The following COL22A1 variants were observed in gnomAD, a reference collection of about 807,000 sequenced individuals.
The protein encoded by COL22A1 is collagen type XXII alpha 1 chain.
COL22A1 carries 221 observed loss-of-function variants against 248.9 expected under a neutral mutation model. The observed-to-expected ratio is 0.89, with a 90% CI of 0.80 to 0.99. The LOEUF (loss-of-function observed/expected upper bound fraction) is 0.99, where lower values mean the gene tolerates loss of function less well. COL22A1 is among the 50% of genes least tolerant of loss of function. The pLI is 0.00. For synonymous variants in COL22A1, 891 were observed against 793.4 expected (o/e 1.12, Z -2.07); for missense variants, 2,240 against 2,179.0 (o/e 1.03, Z -0.56).
At chr8:138,782,442 T>A (rs1815098970) in intron 12 of COL22A1, among the ~76,000 whole-genome samples, 1 of 152,288 alleles carries the variant, frequency 6.6e-6, no homozygotes, top group Non-Finnish European at 1.5e-5. Flanking sequence ...GGCCTCAAAC[T>A]CCTGAGCTCA....
At chr8:138,724,581 G>A (rs772656415) in intron 25 of COL22A1, 34 bp downstream of exon 25, 214 of 1,604,876 alleles carry the variant, frequency 1.3e-4, no homozygotes, top group Non-Finnish European at 3.9e-5. Context: ...GGGAGAGGGA[G>A]GAGGGGAGCA....
chr8:138,616,770 G>T, intron 54 of COL22A1, 144 bp downstream of exon 54: 4 of 876,754 alleles, frequency 4.6e-6, no homozygotes, highest in Non-Finnish European at 7.3e-6. Flanking sequence ...AGGTGTCCCT[G>T]TGCTGGCTTG....
At position 138,745,813 on chromosome 8, in the gene COL22A1, T is replaced by A. The variant is rs1424167943; in HGVS notation, c.2085+5645A>T. ...CAGTGGCCTTGAGCCAGGCTGGGTC[T>A]TCCGCCAAAACATTCAGGATTCAGA... On this transcript the variant is annotated intron_variant, in intron 22 of 64. Coordinates refer to ENST00000303045, the MANE Select transcript of COL22A1 (RefSeq NM_152888.3). Among the ~76,000 whole-genome samples, 2 of 152,180 alleles carry A rather than the reference T, an allele frequency of 1.3e-5. 1 individual carries two copies. Among genetic ancestry groups the A allele is most frequent in the African/African-American group, 4.8e-5 (2 of 41,462 alleles).
At chr8:138,671,162 G>A (rs1367829591) in intron 41 of COL22A1, among the ~76,000 whole-genome samples, 1 of 152,052 alleles carries the variant, frequency 6.6e-6, no homozygotes, top group African/African-American at 2.4e-5. Context: ...AAATGACCCA[G>A]TGGCCTAGAA....
At chr8:138,615,269 G>T (rs1015206893) in intron 55 of COL22A1, among the ~76,000 whole-genome samples, 6 of 152,140 alleles carry the variant, frequency 3.9e-5, no homozygotes, top group Non-Finnish European at 7.3e-5. Flanking sequence ...AGTGGCTCAC[G>T]CCTATAGTCC....
At chr8:138,847,985 A>C (rs1821370095) in intron 3 of COL22A1, among the ~76,000 whole-genome samples, 1 of 152,116 alleles carries the variant, frequency 6.6e-6, no homozygotes. Flanking sequence ...GGGTGGTGAG[A>C]AGTGGTGCAT....
At chr8:138,866,646 C>G (rs1184811339) in intron 3 of COL22A1, among the ~76,000 whole-genome samples, 1 of 152,216 alleles carries the variant, frequency 6.6e-6, no homozygotes, top group African/African-American at 2.4e-5. Context: ...CCACTTTACT[C>G]GGGATGGCAC....
intron 23 of COL22A1, among the ~76,000 whole-genome samples, chr8:138,727,867 G>A (rs1265013915): frequency 6.6e-6 from 1 of 152,130 alleles, no homozygotes; most frequent in Non-Finnish European, 1.5e-5. Flanking sequence ...GCTGCTGGAA[G>A]GCTTTAAAGA....
chr8:138,881,256 A>C (rs1030549213), intron 2 of COL22A1, among the ~76,000 whole-genome samples: 7 of 147,408 alleles, frequency 4.7e-5, no homozygotes, highest in Non-Finnish European at 8.9e-5. Flanking sequence ...GGATGTTTAC[A>C]GTTATTACTG....
intron 7 of COL22A1, among the ~76,000 whole-genome samples, chr8:138,820,174 C>G (rs1382696316): frequency 6.6e-6 from 1 of 152,142 alleles, no homozygotes; most frequent in Non-Finnish European, 1.5e-5. Context: ...TTTACATAAA[C>G]TTCCAAGAAT....
chr8:138,716,870 C>T lies in COL22A1; in HGVS notation c.2356-1G>A. 1 of 1,609,144 alleles carries T rather than the reference C, an allele frequency of 6.2e-7. No individual in the cohort carries two copies. The highest frequency in any genetic ancestry group is 1.1e-5 in the South Asian group (1 of 91,002). On this transcript the variant is annotated splice_acceptor_variant, in intron 27 of 64. Coordinates refer to ENST00000303045, the MANE Select transcript of COL22A1 (RefSeq NM_152888.3). LOFTEE classifies it high-confidence loss of function. The stretch of plus-strand genomic sequence containing the variant: ...CCAGGCCCTGCTCCCCAATTTCTCC[C>T]TGAAAATGCAATAAAACATACCCCA...
intron 23 of COL22A1, among the ~76,000 whole-genome samples, chr8:138,734,844 G>C (rs146822053): frequency 6.6e-6 from 1 of 152,136 alleles, no homozygotes; most frequent in Non-Finnish European, 1.5e-5. Context: ...CCATAAAAAA[G>C]GATGAGTTCA....
intron 47 of COL22A1, among the ~76,000 whole-genome samples, 188 bp downstream of exon 47, chr8:138,646,441 G>T (rs1014054749): frequency 2.0e-5 from 3 of 152,100 alleles, no homozygotes; most frequent in African/African-American, 7.2e-5. Flanking sequence ...TGAGCAACTG[G>T]GATTCCACAC....
chr8:138,880,070 G>T (rs1202546865), intron 2 of COL22A1, among the ~76,000 whole-genome samples: 2 of 151,962 alleles, frequency 1.3e-5, no homozygotes, highest in Middle Eastern at 3.2e-3. Context: ...AAAACAATCA[G>T]ATAAATGGAA....
intron 12 of COL22A1, among the ~76,000 whole-genome samples, chr8:138,791,614 A>G (rs1664716945): frequency 6.6e-6 from 1 of 152,130 alleles, no homozygotes; most frequent in South Asian, 2.1e-4. Flanking sequence ...ACACCCTCCA[A>G]TGCCGTGACT....
chr8:138,749,543 T>G (rs1431261385), intron 22 of COL22A1, among the ~76,000 whole-genome samples: 2 of 152,240 alleles, frequency 1.3e-5, no homozygotes, highest in Non-Finnish European at 2.9e-5. Context: ...GGGAGCATGT[T>G]GAGAGAATGA....
chr8:138,702,325 A>C (rs1828034955), intron 31 of COL22A1, among the ~76,000 whole-genome samples: 2 of 152,196 alleles, frequency 1.3e-5, no homozygotes, highest in African/African-American at 4.8e-5. Flanking sequence ...ACCCTTATGG[A>C]ATGTCTGAGT....
intron 62 of COL22A1, among the ~76,000 whole-genome samples, chr8:138,596,680 A>C (rs1267575879): frequency 2.0e-5 from 3 of 152,184 alleles, no homozygotes; most frequent in African/African-American, 7.2e-5. Flanking sequence ...GCTCTCCTTC[A>C]CTAGAGGTAA....
At chr8:138,770,978 A>C (rs1256448400) in intron 16 of COL22A1, among the ~76,000 whole-genome samples, 1 of 152,212 alleles carries the variant, frequency 6.6e-6, no homozygotes. Context: ...AATCCTCATC[A>C]TATCCTTATG....
Sources: allele counts gnomAD v4.1 joint callset (sites outside exome capture counted in the v4.1 genomes callset), GRCh38; gene constraint gnomAD v4.1.1; transcripts MANE v1.5; gene names NCBI Gene and HGNC (gene_info 2026-07-23, HGNC 2026-07-21).